Variants in DMD observed in about 807,000 individuals in gnomAD.
DMD encodes mutant dystrophin.
In DMD, 63 loss-of-function variants were observed where a neutral mutation model predicts 330.1. The ratio of observed to expected loss-of-function variants is 0.19; its 90% CI spans 0.16 to 0.24. The LOEUF is 0.24. DMD is among the 10% of genes least tolerant of loss of function. The probability of loss-of-function intolerance (pLI) is 1.00; values close to 1 mark genes in which losing one functional copy is unlikely to be tolerated. For missense variants in DMD, 3,344 were observed against 2,684.1 expected (o/e 1.25, Z -5.43); for synonymous variants, 1,223 against 959.8 (o/e 1.27, Z -5.07).
intron 55 of DMD, among the ~76,000 whole-genome samples, chrX:31,612,251 T>C (rs185164196): frequency 8.9e-6 from 1 of 112,099 alleles, no homozygotes; most frequent in Admixed American, 9.5e-5. Flanking sequence ...GTGTCTGGTT[T>C]ATTTCACTTA....
intron 1 of DMD, among the ~76,000 whole-genome samples, chrX:33,026,348 G>GAAAGAAAGA: frequency 2.0e-5 from 1 of 51,276 alleles, no homozygotes; most frequent in African/African-American, 6.8e-5. Context: ...AAAAAAAAAA[G>GAAAGAAAGA]AAAGAAAAGA....
chrX:31,700,946 G>A (rs1434790047), intron 52 of DMD, among the ~76,000 whole-genome samples: 1 of 111,834 alleles, frequency 8.9e-6, no homozygotes, highest in Non-Finnish European at 1.9e-5. Context: ...CAGCATCTCA[G>A]TCATTAACTA....
intron 52 of DMD, 46 bp from the exon 53 acceptor site, chrX:31,679,632 GGA>G (rs1284392886): frequency 9.5e-7 from 1 of 1,054,256 alleles, no homozygotes; most frequent in African/African-American, 1.8e-5. Flanking sequence ...ATGCTAGTCT[GGA>G]GGAGACATTT....
chrX:32,846,409 T>TC (rs776820597), intron 3 of DMD, among the ~76,000 whole-genome samples: 12 of 111,206 alleles, frequency 1.1e-4, no homozygotes, highest in Non-Finnish European at 1.9e-4. Context: ...TCCTATACTT[T>TC]CCAGCAAAGC....
chrX:32,626,685 G>A (rs147951719), intron 11 of DMD, among the ~76,000 whole-genome samples: 2,277 of 103,889 alleles, frequency 0.022, 403 homozygotes, highest in African/African-American at 0.09. Context: ...GCTGGGGAAG[G>A]AATAGCATTA....
chrX:33,277,767 G>A (rs1056856021), intron 1 of DMD, among the ~76,000 whole-genome samples: 1 of 111,033 alleles, frequency 9.0e-6, no homozygotes, highest in Admixed American at 9.6e-5. Context: ...GTTCACAAGC[G>A]GGCAACCACT....
intron 7 of DMD, among the ~76,000 whole-genome samples, chrX:32,759,444 T>C (rs2071938097): frequency 8.9e-6 from 1 of 111,784 alleles, no homozygotes; most frequent in South Asian, 3.7e-4. Flanking sequence ...CAGGTAGCAC[T>C]TTCCCCACTT....
chrX:33,095,978 T>A (rs977731831), intron 1 of DMD, among the ~76,000 whole-genome samples: 7 of 81,298 alleles, frequency 8.6e-5, no homozygotes, highest in African/African-American at 3.2e-4. Context: ...TTTTTTTTTT[T>A]TTTTTTTTTT....
chrX:31,201,158 T>TACACACACACACAC (rs57235865), intron 67 of DMD, among the ~76,000 whole-genome samples: 2 of 98,282 alleles, frequency 2.0e-5, no homozygotes, highest in African/African-American at 3.9e-5. Context: ...AGAGACCCTG[T>TACACACACACACAC]ACACACACAC....
At chrX:32,762,411 C>T (rs905190271) in intron 7 of DMD, among the ~76,000 whole-genome samples, 3 of 111,590 alleles carry the variant, frequency 2.7e-5, no homozygotes. Flanking sequence ...CTGAAGCCAA[C>T]GGACAAAGTC....
chrX:33,301,995 T>A (rs1433465216), intron 1 of DMD, among the ~76,000 whole-genome samples: 1 of 112,028 alleles, frequency 8.9e-6, no homozygotes, highest in African/African-American at 3.2e-5. Context: ...ATTTTAATAT[T>A]CATTTTTCTA....
intron 60 of DMD, among the ~76,000 whole-genome samples, chrX:31,349,129 T>C (rs1388845299): frequency 8.9e-6 from 1 of 112,715 alleles, no homozygotes; most frequent in Non-Finnish European, 1.9e-5. Context: ...TAATTATTAA[T>C]TAACCAGTGG....
At chrX:32,723,924 T>TG (rs2066596177) in intron 7 of DMD, among the ~76,000 whole-genome samples, 1 of 110,334 alleles carries the variant, frequency 9.1e-6, no homozygotes, top group South Asian at 3.7e-4. Flanking sequence ...AGAAAGTGGG[T>TG]GAATTACAGT....
chrX:33,112,742 A>AAATTAACT (rs1177171086), intron 1 of DMD, among the ~76,000 whole-genome samples: 2 of 110,643 alleles, frequency 1.8e-5, no homozygotes, highest in Non-Finnish European at 3.8e-5. Flanking sequence ...TCACTATATG[A>AAATTAACT]AATTAACTAA....
rs568207996 is a variant in DMD at position 32,757,575 on chromosome X, G to C, written c.649+51918C>G. Among the ~76,000 whole-genome samples, 42 of 110,686 alleles carry C rather than the reference G, an allele frequency of 3.8e-4. 1 individual carries two copies. In the South Asian group the frequency reaches 0.016, roughly 41 times the overall value. ...TCTTTCCCATGCTGTTCTCGTGATA[G>C]TGAATACGTCTCACGAGATCTGATG... is the stretch of plus-strand genomic sequence containing the variant. On this transcript the variant is annotated intron_variant, in intron 7 of 78. Coordinates refer to ENST00000357033, the MANE Select transcript of DMD (RefSeq NM_004006.3).
chrX:31,314,750 G>GAGAGAGAGAGAGAA (rs374402541), intron 62 of DMD, among the ~76,000 whole-genome samples: 19 of 96,934 alleles, frequency 2.0e-4, no homozygotes, highest in Middle Eastern at 5.4e-3. Context: ...CACAGAGAGA[G>GAGAGAGAGAGAGAA]AGAGAGAGAG....
At chrX:32,252,679 TATATAA>T (rs1569553581) in intron 43 of DMD, among the ~76,000 whole-genome samples, 7 of 50,217 alleles carry the variant, frequency 1.4e-4, no homozygotes, top group Non-Finnish European at 2.5e-4. Context: ...TATATATAAA[TATATAA>T]ATATATATAT....
chrX:32,244,584 A>C (rs2097224093), intron 43 of DMD, among the ~76,000 whole-genome samples: 1 of 81,165 alleles, frequency 1.2e-5, no homozygotes, highest in African/African-American at 4.8e-5. Flanking sequence ...CCAACAGTGT[A>C]AAAGTGTTCC....
At chrX:32,665,454 ATTTTGTT>A (rs2061240406) in intron 9 of DMD, among the ~76,000 whole-genome samples, 1 of 112,163 alleles carries the variant, frequency 8.9e-6, no homozygotes, top group African/African-American at 3.2e-5. Context: ...TCCTCAACAA[ATTTTGTT>A]ATTGTGCCAA....
Sources: allele counts gnomAD v4.1 joint callset (sites outside exome capture counted in the v4.1 genomes callset), GRCh38; gene constraint gnomAD v4.1.1; transcripts MANE v1.5; gene names NCBI Gene and HGNC (gene_info 2026-07-23, HGNC 2026-07-21).